Variants in PIK3C2B observed in about 807,000 individuals in gnomAD.
The protein encoded by PIK3C2B is phosphatidylinositol 4-phosphate 3-kinase C2 domain-containing subunit beta.
Under a neutral mutation model 184.3 loss-of-function variants are expected in PIK3C2B, and 83 were observed. The ratio of observed to expected loss-of-function variants is 0.45; its 90% CI spans 0.38 to 0.54. The LOEUF is 0.54. PIK3C2B is among the 20% of genes least tolerant of loss of function. The probability of loss-of-function intolerance (pLI) is 0.00; values close to 1 mark genes in which losing one functional copy is unlikely to be tolerated. For missense variants in PIK3C2B, 1,736 were observed against 2,113.5 expected (o/e 0.82, Z 3.50); for synonymous variants, 779 against 837.6 (o/e 0.93, Z 1.21).
At chr1:204,473,109 A>C (rs1180718489) in intron 1 of PIK3C2B, among the ~76,000 whole-genome samples, 1 of 152,220 alleles carries the variant, frequency 6.6e-6, no homozygotes, top group Non-Finnish European at 1.5e-5. Flanking sequence ...CATCAATAGG[A>C]AAAAGGCTCA....
At chr1:204,431,326 A>G (rs1187128154) in intron 28 of PIK3C2B, 1 of 293,686 alleles carries the variant, frequency 3.4e-6, no homozygotes, top group African/African-American at 2.1e-5. Context: ...ATCTCCCTCC[A>G]TTTTAAATGC....
At chr1:204,459,403 G>C (rs1655138258) in intron 8 of PIK3C2B, among the ~76,000 whole-genome samples, 1 of 152,232 alleles carries the variant, frequency 6.6e-6, no homozygotes, top group East Asian at 1.9e-4. Flanking sequence ...TTTGAGGCTT[G>C]AGACTCCGCA....
Position 204,447,708 on chromosome 1 carries a change from C to A in PIK3C2B, c.2347-130G>T. On this transcript the variant is annotated intron_variant, in intron 14 of 32. Coordinates refer to ENST00000684373, the MANE Select transcript of PIK3C2B (RefSeq NM_001377334.1). This position sits in a 1 kb window ranked among gnomAD's most constrained non-coding sequence, Gnocchi z 4.1. ...TTCCCTCAGGTTCTTTGTAAAATAG[C>A]CCTGTTAGACTTGGTGATCTCTAAA... 1 of 633,946 alleles carries A rather than the reference C, an allele frequency of 1.6e-6. No individual in the cohort carries two copies. Among genetic ancestry groups the A allele is most frequent in the Non-Finnish European group, 2.8e-6 (1 of 362,396 alleles). The allele number at this position is 633,946 out of a possible 1,614,324, so 39.3% of individuals were successfully genotyped here.
At chr1:204,490,063 C>T in intron 1 of PIK3C2B, 2 of 396,740 alleles carry the variant, frequency 5.0e-6, no homozygotes, top group Non-Finnish European at 8.9e-6. Context: ...ATATTAGGCA[C>T]CCACCTCTAT....
chr1:204,452,645 C>A (rs57810379), intron 12 of PIK3C2B, among the ~76,000 whole-genome samples: 1 of 135,994 alleles, frequency 7.4e-6, no homozygotes, highest in Non-Finnish European at 1.6e-5. Flanking sequence ...ATGCACACCC[C>A]ATGTCCTTTT....
At position 204,432,227 on chromosome 1, in the gene PIK3C2B, C is replaced by T. The variant is rs760885600; in HGVS notation, c.4128G>A (p.Glu1376=). The T allele has an allele frequency of 7.4e-6, 12 of 1,613,934 alleles. No homozygotes were observed. In the East Asian group the frequency reaches 2.7e-4, roughly 36 times the overall value. ...RISDVFLCRH[E]KIFHPNKGYI... ...AGCCTTTGTTGGGGTGGAAGATCTT[C>T]TCATGGCGGCAGAGGAAAACATCAC... The change falls in exon 27 of 33, where the codon GAG becomes GAA. Residue 1376 remains glutamate, a synonymous_variant. Coordinates refer to ENST00000684373, the MANE Select transcript of PIK3C2B (RefSeq NM_001377334.1).
At position 204,422,672 on chromosome 1, in the gene PIK3C2B, C is replaced by T. The variant is rs561836240; in HGVS notation, c.*2180G>A. On this transcript the variant is annotated 3_prime_UTR_variant, in exon 33 of 33. Coordinates refer to ENST00000684373, the MANE Select transcript of PIK3C2B (RefSeq NM_001377334.1). ...GTCATTTATTAGAAAATACAATTCC[C>T]GAGAAAGGAGATACAAGGGATTCTG... The T allele has an allele frequency of 6.6e-6, 1 of 152,444 alleles. No homozygotes were observed. Among genetic ancestry groups the T allele is most frequent in the East Asian group, 1.9e-4 (1 of 5,184 alleles). 9.4% of individuals were successfully genotyped at this position (152,444 alleles called of 1,614,324 possible).
chr1:204,454,374 C>T (rs1654638690), intron 12 of PIK3C2B, among the ~76,000 whole-genome samples: 1 of 150,806 alleles, frequency 6.6e-6, no homozygotes, highest in Non-Finnish European at 1.5e-5. Flanking sequence ...CCCAGCTACT[C>T]GGGAGGCTGA....
chr1:204,478,429 C>T (rs1054584326), intron 1 of PIK3C2B, among the ~76,000 whole-genome samples: 3 of 152,156 alleles, frequency 2.0e-5, no homozygotes, highest in East Asian at 3.8e-4. Flanking sequence ...TCAAGCAAGC[C>T]GGCTCCCCCA....
rs149980544 is a variant in PIK3C2B at position 204,466,234 on chromosome 1, C to G, written c.934-915G>C. ...GCAGCCTGGGAGGCCACACCAGGGA[C>G]GAGGCTTCAGCTCAGATGGAGATAA... On this transcript the variant is annotated intron_variant, in intron 2 of 32. Coordinates refer to ENST00000684373, the MANE Select transcript of PIK3C2B (RefSeq NM_001377334.1). Among the ~76,000 whole-genome samples, 775 of 152,274 alleles carry G rather than the reference C, an allele frequency of 5.1e-3. 11 individuals are homozygous for G. The highest frequency in any genetic ancestry group is 0.018 in the African/African-American group (749 of 41,558).
chr1:204,440,716 C>T (rs1323601460), intron 21 of PIK3C2B, among the ~76,000 whole-genome samples: 1 of 150,142 alleles, frequency 6.7e-6, no homozygotes, highest in Non-Finnish European at 1.5e-5. Flanking sequence ...CATGCCTCAG[C>T]CTCCCAAGTA....
At chr1:204,456,621 C>A (rs1336280966) in intron 10 of PIK3C2B, among the ~76,000 whole-genome samples, 1 of 152,058 alleles carries the variant, frequency 6.6e-6, no homozygotes, top group Non-Finnish European at 1.5e-5. Flanking sequence ...TCTTTCTCAT[C>A]CTCTCCCAAG....
chr1:204,430,587 C>T lies in PIK3C2B; in HGVS notation c.4281-549G>A, dbSNP rs570513769. ...CTCAAACTCCTTAGCTCATGATCTG[C>T]CTGCCTCAGCCTGCCAAAGTGCTGG... On this transcript the variant is annotated intron_variant, in intron 28 of 32. Coordinates refer to ENST00000684373, the MANE Select transcript of PIK3C2B (RefSeq NM_001377334.1). Among the ~76,000 whole-genome samples, 6 of 151,760 alleles carry T rather than the reference C, an allele frequency of 4.0e-5. No individual in the cohort carries two copies. The South Asian group carries it at 1.3e-3, about 32-fold the overall frequency.
intron 1 of PIK3C2B, among the ~76,000 whole-genome samples, chr1:204,473,611 G>A (rs570963157): frequency 2.0e-5 from 3 of 152,208 alleles, no homozygotes; most frequent in Non-Finnish European, 4.4e-5. Flanking sequence ...TATTTTCAGC[G>A]CTGAGCTAGG....
rs138622746 is a variant in PIK3C2B, at chr1:204,454,751, C to T, written c.1984G>A (p.Gly662Ser). The T allele has an allele frequency of 6.9e-5, 112 of 1,613,240 alleles. No individual in the cohort carries two copies. The highest frequency in any genetic ancestry group is 2.7e-4 in the African/African-American group (20 of 74,872). ...FYLSCSLSHG[G>S]KELCSPLQTR... is the part of the protein sequence containing the mutation. ...TGCAGGGGGCTGCACAGCTCCTTGC[C>T]GCCATGGCTGAGGGAGCAGGAGAGG... is the stretch of plus-strand genomic sequence containing the variant. The change falls in exon 12 of 33, where the codon GGC (glycine) becomes AGC (serine). Residue 662 changes from glycine (G) to serine (S), a missense_variant. Physicochemically the swap from Gly to Ser is moderately conservative, Grantham distance 56. Coordinates refer to ENST00000684373, the MANE Select transcript of PIK3C2B (RefSeq NM_001377334.1).
In PIK3C2B at chr1:204,469,844, G is replaced by T; in HGVS notation, c.-42C>A. The T allele has an allele frequency of 7.2e-7, 1 of 1,386,036 alleles. No individual in the cohort carries two copies. The highest frequency in any genetic ancestry group is 1.0e-6 in the Non-Finnish European group (1 of 974,728). 85.9% of individuals were successfully genotyped at this position (1,386,036 alleles called of 1,614,324 possible). A position where few individuals can be genotyped will look rare whatever the true frequency, so the allele number is the denominator to read the frequency against. ...ACAGGCAACAAAGTCTCTACTTCCTGCCAACGTCAGTTCTGGAGGGTTGTG... is the reference window on the plus strand; with the variant it reads ...ACAGGCAACAAAGTCTCTACTTCCTTCCAACGTCAGTTCTGGAGGGTTGTG... On this transcript the variant is annotated 5_prime_UTR_variant, in exon 2 of 33. Coordinates refer to ENST00000684373, the MANE Select transcript of PIK3C2B (RefSeq NM_001377334.1).
At chr1:204,435,188 G>T (rs1278235452) in intron 23 of PIK3C2B, 1 of 150,790 alleles carries the variant, frequency 6.6e-6, no homozygotes, top group Non-Finnish European at 1.5e-5. Context: ...AACACGTCTA[G>T]AGAGTGTTTT....
intron 12 of PIK3C2B, among the ~76,000 whole-genome samples, chr1:204,452,520 A>G (rs1654461157): frequency 6.6e-6 from 1 of 150,878 alleles, no homozygotes; most frequent in African/African-American, 2.4e-5. Flanking sequence ...AGCAGCAGTA[A>G]TTGTGACCAA....
At chr1:204,456,440 T>A in intron 10 of PIK3C2B, 2 of 165,458 alleles carry the variant, frequency 1.2e-5, no homozygotes, top group Non-Finnish European at 2.6e-5. Flanking sequence ...TGGGGGACAT[T>A]TTACTGGTCT....
Sources: gnomAD v4.1 joint callset for allele counts (sites outside exome capture counted in the v4.1 genomes callset) on GRCh38, gnomAD v4.1.1 for gene constraint, Gnocchi (gnomAD v3.1) non-coding constraint, MANE v1.5 for transcripts, NCBI Gene and HGNC (gene_info 2026-07-23, HGNC 2026-07-21) for gene names.